The following AGBL1 variants were observed in gnomAD, a reference collection of about 807,000 sequenced individuals.
The protein encoded by AGBL1 is AGBL carboxypeptidase 1, also known as cytosolic carboxypeptidase 4.
A neutral mutation model predicts 118.9 loss-of-function variants in AGBL1; 130 were observed. The observed-to-expected ratio is 1.09, with a 90% CI of 0.95 to 1.26. The LOEUF (loss-of-function observed/expected upper bound fraction) is 1.26, where lower values mean the gene tolerates loss of function less well. AGBL1 is among the 50% of genes most tolerant of loss of function. AGBL1 has a pLI of 0.00. For missense variants in AGBL1, 1,584 were observed against 1,298.1 expected (o/e 1.22, Z -3.38); for synonymous variants, 555 against 478.9 (o/e 1.16, Z -2.08).
At position 86,217,773 on chromosome 15, in the gene AGBL1, G is replaced by A. The variant is rs74025023; in HGVS notation, c.489-7141G>A. Among the ~76,000 whole-genome samples the A allele has an allele frequency of 9.0e-3, 1,366 of 152,304 alleles. 18 individuals carry two copies. The highest frequency in any genetic ancestry group is 0.032 in the African/African-American group (1,312 of 41,572). On this transcript the variant is annotated intron_variant, in intron 5 of 22. Transcript: ENST00000614907. ...GGTATAGAAAGCAAGAGAAAGTGGT[G>A]TGGGACAAAGCTGGAGAGGGTGGCA...
intron 22 of AGBL1, among the ~76,000 whole-genome samples, chr15:86,887,759 A>C (rs551101590): frequency 6.6e-6 from 1 of 152,264 alleles, no homozygotes; most frequent in African/African-American, 2.4e-5. Context: ...CACCTCACAG[A>C]AGGCAGTGTT....
intron 17 of AGBL1, among the ~76,000 whole-genome samples, chr15:86,320,767 G>A (rs1376277909): frequency 6.6e-6 from 1 of 151,832 alleles, no homozygotes; most frequent in African/African-American, 2.4e-5. Context: ...GGTTAAGGAT[G>A]TGTCTTTCTA....
chr15:86,917,382 C>T (rs961302950), downstream of AGBL1, among the ~76,000 whole-genome samples: 8 of 152,154 alleles, frequency 5.3e-5, no homozygotes, highest in Non-Finnish European at 1.0e-4. This position sits in a 1 kb window ranked among gnomAD's most constrained non-coding sequence, Gnocchi z 4.8. Flanking sequence ...GCTCTTTGCA[C>T]ACACTCAGGA....
chr15:86,902,410 C>G (rs1458915708), intron 22 of AGBL1, among the ~76,000 whole-genome samples: 2 of 151,846 alleles, frequency 1.3e-5, no homozygotes, highest in South Asian at 2.1e-4. Flanking sequence ...AAACACCACA[C>G]AATTTTATAA....
chr15:86,927,003 G>A (rs1016662778), intron 23 of AGBL1, among the ~76,000 whole-genome samples: 17 of 151,990 alleles, frequency 1.1e-4, no homozygotes, highest in Non-Finnish European at 2.4e-4. Context: ...GCCTGGTGTG[G>A]TGGTGGGCGC....
chr15:86,622,794 A>G (rs1197399224), intron 21 of AGBL1, among the ~76,000 whole-genome samples: 1 of 152,158 alleles, frequency 6.6e-6, no homozygotes, highest in Non-Finnish European at 1.5e-5. Context: ...CGTGTACTTT[A>G]TTTTTATTAA....
chr15:86,890,381 G>A (rs62032646), intron 22 of AGBL1, among the ~76,000 whole-genome samples: 17,328 of 152,096 alleles, frequency 0.11, 1,277 homozygotes, highest in Non-Finnish European at 0.15. Flanking sequence ...TTGCCATGCA[G>A]AAGCTCATTA....
At chr15:86,285,642 A>C (rs1347342399) in intron 16 of AGBL1, among the ~76,000 whole-genome samples, 3 of 152,146 alleles carry the variant, frequency 2.0e-5, no homozygotes, top group Non-Finnish European at 4.4e-5. Flanking sequence ...CACATGACCC[A>C]GTCTCGGGTA....
chr15:86,374,036 G>A (rs536824829), intron 17 of AGBL1, among the ~76,000 whole-genome samples: 237 of 152,306 alleles, frequency 1.6e-3, no homozygotes, highest in Admixed American at 2.3e-3. Context: ...AGCAGGTGAG[G>A]AATTCCTGTG....
intron 22 of AGBL1, among the ~76,000 whole-genome samples, chr15:86,881,344 C>A (rs1462211706): frequency 6.6e-6 from 1 of 152,202 alleles, no homozygotes; most frequent in Non-Finnish European, 1.5e-5. Flanking sequence ...CCTCCACATC[C>A]TCCTGGTGAT....
intron 16 of AGBL1, among the ~76,000 whole-genome samples, chr15:86,291,580 G>C (rs544227750): frequency 6.6e-6 from 1 of 152,210 alleles, no homozygotes; most frequent in Non-Finnish European, 1.5e-5. Flanking sequence ...CACATAGAAA[G>C]GGCTTAGTGA....
intron 1 of AGBL1, among the ~76,000 whole-genome samples, chr15:86,129,970 G>A (rs1454078874): frequency 6.6e-6 from 1 of 152,048 alleles, no homozygotes; most frequent in Non-Finnish European, 1.5e-5. Context: ...AATTGAAAGG[G>A]AAAAAATTAC....
intron 21 of AGBL1, among the ~76,000 whole-genome samples, chr15:86,634,682 AAG>A (rs1268638716): frequency 6.6e-6 from 1 of 152,182 alleles, no homozygotes; most frequent in Non-Finnish European, 1.5e-5. Context: ...TGTATACTCT[AAG>A]AGGGTGAATT....
intron 21 of AGBL1, among the ~76,000 whole-genome samples, chr15:86,664,671 T>C (rs2085610869): frequency 1.3e-5 from 2 of 152,138 alleles, no homozygotes; most frequent in African/African-American, 2.4e-5. Flanking sequence ...ATCTAGGTGA[T>C]ACCAGGTAGT....
intron 22 of AGBL1, among the ~76,000 whole-genome samples, chr15:86,776,750 ATGTGTGTGTGTGTG>A (rs10570012): frequency 0.032 from 4,420 of 139,706 alleles, 117 homozygotes; most frequent in Middle Eastern, 0.096. Flanking sequence ...ATATATATAT[ATGTGTGTGTGTGTG>A]TGTGTGTGTG....
At chr15:86,637,886 A>G (rs576230187) in intron 21 of AGBL1, among the ~76,000 whole-genome samples, 17 of 152,326 alleles carry the variant, frequency 1.1e-4, no homozygotes, top group South Asian at 4.1e-4. Context: ...TCTTTATAGC[A>G]TCAAAGAGGG....
intron 21 of AGBL1, among the ~76,000 whole-genome samples, chr15:86,591,096 A>T (rs984809596): frequency 1.3e-5 from 2 of 152,132 alleles, no homozygotes; most frequent in Admixed American, 6.5e-5. Context: ...CTCATGATTT[A>T]TCTCTCTTAA....
At chr15:86,766,151 G>A (rs1410971471) in intron 22 of AGBL1, among the ~76,000 whole-genome samples, 1 of 151,868 alleles carries the variant, frequency 6.6e-6, no homozygotes, top group African/African-American at 2.4e-5. Flanking sequence ...TAAAGTAGAA[G>A]GAGGTTTAGT....
intron 21 of AGBL1, among the ~76,000 whole-genome samples, chr15:86,559,481 C>T (rs1412866115): frequency 6.6e-6 from 1 of 152,114 alleles, no homozygotes; most frequent in Admixed American, 6.6e-5. Context: ...TTTCTTGGAA[C>T]ATCTTGGAAG....
Sources: allele counts gnomAD v4.1 joint callset (sites outside exome capture counted in the v4.1 genomes callset), GRCh38; gene constraint gnomAD v4.1.1; non-coding constraint Gnocchi (gnomAD v3.1); transcripts MANE v1.5; gene names NCBI Gene and HGNC (gene_info 2026-07-23, HGNC 2026-07-21).